The following DMD variants were observed in gnomAD, a reference collection of about 807,000 sequenced individuals.
DMD encodes the protein dystrophin.
Under a neutral mutation model 330.1 loss-of-function variants are expected in DMD, and 63 were observed. That is an observed-to-expected ratio of 0.19 (90% CI 0.16 to 0.24). The LOEUF is 0.24. Among genes scored for constraint, DMD ranks in the 10% least tolerant of loss-of-function variants. The pLI, the probability that DMD is intolerant of heterozygous loss-of-function variation, is 1.00. For synonymous variants in DMD, 1,223 were observed against 959.8 expected (o/e 1.27, Z -5.07); for missense variants, 3,344 against 2,684.1 (o/e 1.25, Z -5.43).
chrX:32,200,473 T>C (rs6527167), intron 44 of DMD, among the ~76,000 whole-genome samples: 10,829 of 110,252 alleles, frequency 0.098, 1,205 homozygotes, highest in African/African-American at 0.32. Context: ...TGTAACGTGT[T>C]ATATATGTAA....
chrX:33,258,718 G>T (rs950144260), intron 1 of DMD, among the ~76,000 whole-genome samples: 6 of 110,644 alleles, frequency 5.4e-5, no homozygotes, highest in African/African-American at 2.0e-4. Flanking sequence ...AAGACCCTTT[G>T]CTTTCATCAT....
At chrX:32,343,495 C>T (rs1224063826) in intron 39 of DMD, among the ~76,000 whole-genome samples, 1 of 111,884 alleles carries the variant, frequency 8.9e-6, no homozygotes, top group Non-Finnish European at 1.9e-5. Context: ...ACCTGAATAA[C>T]ACACTTAAAG....
At chrX:32,729,880 C>A (rs914472362) in intron 7 of DMD, among the ~76,000 whole-genome samples, 7 of 112,130 alleles carry the variant, frequency 6.2e-5, no homozygotes, top group Non-Finnish European at 1.3e-4. Flanking sequence ...AAACAATTTT[C>A]TAAATGTACT....
intron 2 of DMD, among the ~76,000 whole-genome samples, chrX:32,917,890 A>G (rs2087984974): frequency 9.1e-6 from 1 of 110,305 alleles, no homozygotes; most frequent in African/African-American, 3.3e-5. Context: ...GAAGAAGCTT[A>G]TGATAGCTTT....
intron 49 of DMD, among the ~76,000 whole-genome samples, chrX:31,824,816 A>AATTCAT (rs1045673321): frequency 3.6e-5 from 4 of 111,487 alleles, no homozygotes; most frequent in African/African-American, 1.3e-4. Context: ...ATATAGTAAG[A>AATTCAT]ATTCATCACT....
At chrX:31,839,153 TC>T (rs1439252279) in intron 48 of DMD, among the ~76,000 whole-genome samples, 2 of 111,743 alleles carry the variant, frequency 1.8e-5, no homozygotes, top group African/African-American at 6.5e-5. Context: ...AGACCATTGT[TC>T]CCACTGCCAA....
At chrX:31,814,277 C>T (rs7888693) in intron 50 of DMD, among the ~76,000 whole-genome samples, 25 of 107,640 alleles carry the variant, frequency 2.3e-4, no homozygotes, top group East Asian at 1.2e-3. Context: ...GTCAGGAGAT[C>T]GAGACCATCC....
At chrX:33,281,898 G>C (rs2053338604) in intron 1 of DMD, among the ~76,000 whole-genome samples, 1 of 108,074 alleles carries the variant, frequency 9.3e-6, no homozygotes, top group Non-Finnish European at 1.9e-5. Context: ...CCCCAGACTA[G>C]GGTGCTGGTG....
intron 7 of DMD, among the ~76,000 whole-genome samples, chrX:32,805,809 CAG>C (rs1389745860): frequency 2.7e-5 from 3 of 111,780 alleles, no homozygotes; most frequent in Non-Finnish European, 5.6e-5. Flanking sequence ...ATTTTTAACT[CAG>C]AATTTCATAG....
rs752955251 is a variant in DMD at position 31,735,243 on chromosome X, A to C, written c.7543-5495T>G. On this transcript the variant is annotated intron_variant, in intron 51 of 78. Transcript: ENST00000357033. ...CCTCTCTCTTCCTTGCAGAGTCAGAATTGCATCTTGATCTAACATCTCTTG... is the reference window on the plus strand; with the variant it reads ...CCTCTCTCTTCCTTGCAGAGTCAGACTTGCATCTTGATCTAACATCTCTTG... Among the ~76,000 whole-genome samples, 33 of 111,672 alleles carry C rather than the reference A, an allele frequency of 3.0e-4. 1 individual carries two copies. In the East Asian group the frequency reaches 9.4e-3, roughly 32 times the overall value.
chrX:31,157,722 C>T (rs2038310243), intron 74 of DMD, among the ~76,000 whole-genome samples: 1 of 111,136 alleles, frequency 9.0e-6, no homozygotes, highest in East Asian at 2.8e-4. Context: ...TTTTCACTCC[C>T]TGGCATGCAC....
At chrX:32,380,784 ATTTT>A in intron 33 of DMD, 104 bp from the exon 34 acceptor site, 1 of 628,221 alleles carries the variant, frequency 1.6e-6, no homozygotes, top group Non-Finnish European at 2.4e-6. Context: ...TAAAATAACT[ATTTT>A]CTTACACGTT....
At chrX:32,556,530 C>T (rs2050320160) in intron 16 of DMD, among the ~76,000 whole-genome samples, 1 of 111,481 alleles carries the variant, frequency 9.0e-6, no homozygotes, top group African/African-American at 3.3e-5. Context: ...CAACACTATA[C>T]ACAATAGCAA....
At chrX:31,685,689 C>CA (rs2082645959) in intron 52 of DMD, among the ~76,000 whole-genome samples, 1 of 112,274 alleles carries the variant, frequency 8.9e-6, no homozygotes, top group Non-Finnish European at 1.9e-5. Context: ...TGTCCTAGTA[C>CA]AAGCATTTGC....
In DMD at chrX:32,614,343, G is replaced by A. The variant is rs1203696293; in HGVS notation, c.1442C>T (p.Pro481Leu). ...TTGGCGTTTTAGGTCTTCAAGATCAGGTCCAAGAGGCTCTTCCTCCATTTT... is the reference window on the plus strand; with the variant it reads ...TTGGCGTTTTAGGTCTTCAAGATCAAGTCCAAGAGGCTCTTCCTCCATTTT... The part of the protein sequence containing the change: ...TRKMEEEPLG[P>L]DLEDLKRQVQ... The change falls in exon 12 of 79, where the codon CCT (proline) becomes CTT (leucine). Residue 481 changes from proline (P) to leucine (L), a missense_variant. Transcript: ENST00000357033. The A allele has an allele frequency of 8.3e-7, 1 of 1,208,184 alleles. No individual in the cohort carries two copies. Among genetic ancestry groups the A allele is most frequent in the Non-Finnish European group, 1.1e-6 (1 of 893,637 alleles).
At chrX:31,708,052 T>A (rs981324295) in intron 52 of DMD, among the ~76,000 whole-genome samples, 4 of 112,187 alleles carry the variant, frequency 3.6e-5, no homozygotes, top group African/African-American at 1.3e-4. Flanking sequence ...TTTATAAATA[T>A]GTAAAAGCAT....
chrX:33,156,364 T>C (rs2048508021), intron 1 of DMD, among the ~76,000 whole-genome samples: 1 of 112,334 alleles, frequency 8.9e-6, no homozygotes, highest in African/African-American at 3.2e-5. Flanking sequence ...ACTACTAGAG[T>C]ATGCACTGGT....
intron 62 of DMD, among the ~76,000 whole-genome samples, chrX:31,275,900 T>C (rs1425475706): frequency 8.9e-6 from 1 of 112,269 alleles, no homozygotes; most frequent in African/African-American, 3.2e-5. Context: ...TATTTGTGTA[T>C]ATACTATGTA....
At position 32,906,231 on chromosome X, in the gene DMD, G is replaced by A. The variant is rs891579486; in HGVS notation, c.94-56411C>T. Among the ~76,000 whole-genome samples the A allele has an allele frequency of 6.3e-5, 7 of 110,929 alleles. No homozygotes were observed. The Admixed American group carries it at 6.7e-4, about 11-fold the overall frequency. On this transcript the variant is annotated intron_variant, in intron 2 of 78. Coordinates refer to ENST00000357033, the MANE Select transcript of DMD (RefSeq NM_004006.3). ...GCGATAGTGGGCTCTCACGAGATCT[G>A]GTTGTTTAAAAGTGTGCAGCACCTC...
Sources: gnomAD v4.1 joint callset for allele counts (sites outside exome capture counted in the v4.1 genomes callset) on GRCh38, gnomAD v4.1.1 for gene constraint, MANE v1.5 for transcripts, NCBI Gene and HGNC (gene_info 2026-07-23, HGNC 2026-07-21) for gene names.